Variants in WNT2B observed in about 807,000 individuals in gnomAD.
WNT2B encodes protein Wnt-2b.
In WNT2B, 19 loss-of-function variants were observed where a neutral mutation model predicts 40.5. The ratio of observed to expected loss-of-function variants is 0.47; its 90% CI spans 0.33 to 0.69. The LOEUF is 0.69. WNT2B is among the 30% of genes least tolerant of loss of function. The probability of loss-of-function intolerance (pLI) is 0.02; values close to 1 mark genes in which losing one functional copy is unlikely to be tolerated. For synonymous variants in WNT2B, 220 were observed against 211.9 expected, an observed-to-expected ratio of 1.04 and a Z score of -0.33; for missense variants, 467 against 556.4, an observed-to-expected ratio of 0.84 and a Z score of 1.62.
Position 112,514,943 on chromosome 1 carries a change from G to T in WNT2B, c.252G>T (p.Gln84His), listed in dbSNP as rs752656215. 6.2e-7 allele frequency: 1 copy of T among 1,614,248 alleles called. No individual in the cohort carries two copies. Among genetic ancestry groups the T allele is most frequent in the Non-Finnish European group, 8.5e-7 (1 of 1,180,046 alleles). The change falls in exon 2 of 5, where the codon CAG becomes CAT. Residue 84 changes from glutamine to histidine, a missense_variant. Gln to His is a conservative substitution (Grantham distance 24, BLOSUM62 0). This residue lies in a region of WNT2B where 137 missense variants were observed against 117.7 expected (regional missense o/e 1.16). Transcript: ENST00000369684. ...NIPGLVSRQR[Q>H]LCQRYPDIMR... ...CTGGTTTGGTGAGCCGGCAGCGGCA[G>T]CTGTGCCAGCGTTACCCAGACATCA...
At chr1:112,511,114 G>T (rs1182630110) in intron 1 of WNT2B, among the ~76,000 whole-genome samples, 1 of 152,072 alleles carries the variant, frequency 6.6e-6, no homozygotes, top group Non-Finnish European at 1.5e-5. Flanking sequence ...GACCCAAATG[G>T]GGGTCTTCCT....
chr1:112,517,676 T>C (rs1020590884), intron 4 of WNT2B: 3 of 354,032 alleles, frequency 8.5e-6, no homozygotes, highest in Admixed American at 4.1e-5. Context: ...TTTAACTTAG[T>C]TACCTGTTTT....
intron 1 of WNT2B, among the ~76,000 whole-genome samples, chr1:112,489,441 A>C (rs1651528853): frequency 6.6e-6 from 1 of 151,896 alleles, no homozygotes; most frequent in Non-Finnish European, 1.5e-5. Context: ...GCAGGCACCT[A>C]TAATCCCAGC....
In WNT2B at chr1:112,497,170, A is replaced by T. The variant is rs528428660; in HGVS notation, c.-94-17704A>T. Among the ~76,000 whole-genome samples the T allele has an allele frequency of 2.6e-5, 4 of 152,238 alleles. No homozygotes were observed. The South Asian group carries it at 8.3e-4, about 32-fold the overall frequency. The stretch of plus-strand genomic sequence containing the variant: ...TACCTGTGGCTTTCCCAAGGCTGGC[A>T]TTGCAAGTCCATGCCTCAACGGGTC... On this transcript the variant is annotated intron_variant, in intron 1 of 4. Transcript: ENST00000256640.
intron 1 of WNT2B, among the ~76,000 whole-genome samples, chr1:112,488,853 C>T (rs1651505563): frequency 6.6e-6 from 1 of 151,958 alleles, no homozygotes; most frequent in Non-Finnish European, 1.5e-5. Context: ...TGTGCCTGGC[C>T]CTTTATTTAC....
At chr1:112,474,330 A>T (rs1650990160) in intron 1 of WNT2B, among the ~76,000 whole-genome samples, 1 of 151,290 alleles carries the variant, frequency 6.6e-6, no homozygotes, top group Admixed American at 6.6e-5. Flanking sequence ...TTGTATTTTT[A>T]GTGGAGACGG....
chr1:112,484,183 T>C (rs572926978), intron 1 of WNT2B, among the ~76,000 whole-genome samples: 2 of 144,194 alleles, frequency 1.4e-5, no homozygotes, highest in African/African-American at 5.2e-5. Flanking sequence ...CATTTTTATA[T>C]ATAATTTTGT....
Position 112,469,579 on chromosome 1 carries a change from G to GTTGT in WNT2B, c.-95+2003_-95+2006dup, listed in dbSNP as rs565304356. The stretch of plus-strand genomic sequence containing the variant: ...AGTTAAGTTTATTCCTAGGTTTTTT[G>GTTGT]TTGTTTGTTTGTTTGTTTTTTAGCT... On this transcript the variant is annotated intron_variant, in intron 1 of 4. Transcript: ENST00000256640. 7.7e-3 allele frequency among the ~76,000 whole-genome samples: 1,139 copies of GTTGT among 148,818 alleles called. 11 individuals are homozygous for GTTGT. The highest frequency in any genetic ancestry group is 0.026 in the African/African-American group (1,071 of 40,792).
intron 1 of WNT2B, among the ~76,000 whole-genome samples, chr1:112,498,972 C>T (rs370994892): frequency 4.7e-4 from 71 of 152,244 alleles, no homozygotes; most frequent in African/African-American, 1.6e-3. Context: ...CTTTGGGAGG[C>T]CGAGGCAGGT....
exon 1 of WNT2B, chr1:112,467,253 A>G (rs1170147541): frequency 2.4e-6 from 1 of 422,616 alleles, no homozygotes; most frequent in African/African-American, 2.0e-5. Context: ...AGAAGTAAGC[A>G]GGAACTCGAC....
exon 1 of WNT2B, chr1:112,467,265 G>A: frequency 2.2e-6 from 1 of 456,734 alleles, no homozygotes; most frequent in South Asian, 3.3e-5. Context: ...GAACTCGACA[G>A]GAAAGGGCAT....
chr1:112,487,933 CAAAAAAA>C (rs59297238), intron 1 of WNT2B, among the ~76,000 whole-genome samples: 7 of 68,210 alleles, frequency 1.0e-4, no homozygotes, highest in South Asian at 5.9e-4. Context: ...GGCTCTGACT[CAAAAAAA>C]AAAAAAAAAA....
chr1:112,513,791 G>T (rs768422181), intron 1 of WNT2B, among the ~76,000 whole-genome samples: 2 of 152,208 alleles, frequency 1.3e-5, no homozygotes, highest in African/African-American at 2.4e-5. Context: ...AGAATAAAAA[G>T]TTCCCAGCAA....
chr1:112,517,967 A>G (rs1413870436), intron 4 of WNT2B: 6 of 153,402 alleles, frequency 3.9e-5, no homozygotes, highest in Admixed American at 3.9e-4. Context: ...TCCCAGGGAC[A>G]GAGAACAGAC....
At chr1:112,486,215 G>A (rs1027791269) in intron 1 of WNT2B, among the ~76,000 whole-genome samples, 4 of 151,784 alleles carry the variant, frequency 2.6e-5, no homozygotes, top group Admixed American at 2.6e-4. Flanking sequence ...GGCCAAGGCA[G>A]GTGGATCCCT....
chr1:112,509,583 C>G lies in WNT2B; in HGVS notation c.182+139C>G. On this transcript the variant is annotated intron_variant, in intron 1 of 4. Transcript: ENST00000369684. The surrounding 1 kb of genome is among the most constrained non-coding windows in gnomAD (Gnocchi z 4.2). Reference sequence around the variant, plus strand: ...ATTCGGGCAGGACTGTCACTGAAATCTGAAGTCGCGGGGTGGCGGGAGGGT... The same window carrying G: ...ATTCGGGCAGGACTGTCACTGAAATGTGAAGTCGCGGGGTGGCGGGAGGGT... 1.0e-6 allele frequency: 1 copy of G among 996,934 alleles called. No homozygotes were observed. The highest frequency in any genetic ancestry group is 3.2e-5 in the East Asian group (1 of 31,712). 61.8% of individuals were successfully genotyped at this position (996,934 alleles called of 1,614,324 possible).
chr1:112,509,019 G>A lies in WNT2B; in HGVS notation c.-244G>A. 4 of 1,338,314 alleles carry A rather than the reference G, an allele frequency of 3.0e-6. No homozygotes were observed. Among genetic ancestry groups the A allele is most frequent in the Non-Finnish European group, 3.8e-6 (4 of 1,053,512 alleles). 82.9% of individuals were successfully genotyped at this position (1,338,314 alleles called of 1,614,324 possible). A position where few individuals can be genotyped will look rare whatever the true frequency, so the allele number is the denominator to read the frequency against. On this transcript the variant is annotated 5_prime_UTR_variant, in exon 1 of 5. Transcript: ENST00000369684. This position sits in a 1 kb window ranked among gnomAD's most constrained non-coding sequence, Gnocchi z 4.2. ...CCGCAGACCCCCTGACACCGCACCC[G>A]GTCCTCAGGCAGCGCGCCCCAGACC...
At chr1:112,474,790 G>C (rs1046037289) in intron 1 of WNT2B, among the ~76,000 whole-genome samples, 1 of 152,204 alleles carries the variant, frequency 6.6e-6, no homozygotes, top group Non-Finnish European at 1.5e-5. Context: ...TGGATCATGA[G>C]CATGGATCCT....
chr1:112,478,590 A>G (rs1651123397), intron 1 of WNT2B, among the ~76,000 whole-genome samples: 1 of 152,194 alleles, frequency 6.6e-6, no homozygotes, highest in South Asian at 2.1e-4. Flanking sequence ...AAAAAATGCC[A>G]TTTAAGAATA....
Sources: gnomAD v4.1 joint callset for allele counts (sites outside exome capture counted in the v4.1 genomes callset) on GRCh38, gnomAD v4.1.1 for gene constraint, gnomAD v4.1.1 regional missense constraint, Gnocchi (gnomAD v3.1) non-coding constraint, MANE v1.5 for transcripts, NCBI Gene and HGNC (gene_info 2026-07-23, HGNC 2026-07-21) for gene names.